Variants in COL4A2 observed in about 807,000 individuals in gnomAD.
COL4A2 encodes collagen type IV alpha 2 chain.
COL4A2 carries 99 observed loss-of-function variants against 200.2 expected under a neutral mutation model. That is an observed-to-expected ratio of 0.49 (90% confidence interval 0.42 to 0.58). The LOEUF is 0.58. Among genes scored for constraint, COL4A2 ranks in the 20% least tolerant of loss-of-function variants. COL4A2 has a pLI of 0.00. For missense variants in COL4A2, 1,950 were observed against 2,314.1 expected (o/e 0.84, Z 3.23); for synonymous variants, 897 against 900.6 (o/e 1.00, Z 0.07).
At chr13:110,491,457 G>A (rs913283899) in intron 37 of COL4A2, 117 bp downstream of exon 37, 6 of 737,328 alleles carry the variant, frequency 8.1e-6, no homozygotes, top group Admixed American at 2.1e-5. Flanking sequence ...AAGCTCACTC[G>A]TGCCTGCTGC....
intron 4 of COL4A2, among the ~76,000 whole-genome samples, chr13:110,370,312 G>C (rs1034664557): frequency 2.6e-5 from 4 of 151,976 alleles, no homozygotes; most frequent in African/African-American, 9.7e-5. Context: ...CTCCCAGGCT[G>C]GAGTGCAATG....
intron 18 of COL4A2, among the ~76,000 whole-genome samples, chr13:110,447,764 C>CAT (rs34147402): frequency 0.43 from 65,233 of 151,756 alleles, 14,262 homozygotes; most frequent in South Asian, 0.49. Flanking sequence ...CGTGCAGAAA[C>CAT]ATATCAGACA....
intron 45 of COL4A2, among the ~76,000 whole-genome samples, chr13:110,505,115 C>G (rs1028926221): frequency 6.6e-6 from 1 of 151,820 alleles, no homozygotes; most frequent in Non-Finnish European, 1.5e-5. Context: ...CTTTGGGAGG[C>G]TGAGGTGGGC....
In COL4A2 at chr13:110,467,181, T is replaced by C. The variant is rs1354753125; in HGVS notation, c.2095+85T>C. On this transcript the variant is annotated intron_variant, in intron 27 of 47. Transcript: ENST00000360467. ...GTGTCTCCCCCGCCCATCTTTCCTCTGGTCCTGCATCCCCCACCCCAGACA... is the reference window on the plus strand; with the variant it reads ...GTGTCTCCCCCGCCCATCTTTCCTCCGGTCCTGCATCCCCCACCCCAGACA... The C allele has an allele frequency of 4.5e-6, 7 of 1,551,658 alleles. No individual in the cohort carries two copies. The East Asian group carries it at 1.6e-4, about 36-fold the overall frequency.
chr13:110,436,043 A>T, intron 12 of COL4A2: 1 of 678,352 alleles, frequency 1.5e-6, no homozygotes, highest in Non-Finnish European at 2.6e-6. Context: ...AACAACCTAC[A>T]TGGCTTTTAT....
chr13:110,364,653 A>G (rs1169468925), intron 4 of COL4A2, among the ~76,000 whole-genome samples: 1 of 152,188 alleles, frequency 6.6e-6, no homozygotes, highest in African/African-American at 2.4e-5. Flanking sequence ...CCAATAGGTC[A>G]CCCATCTTGG....
At chr13:110,469,578 G>A (rs926064729) in intron 28 of COL4A2, among the ~76,000 whole-genome samples, 4 of 152,128 alleles carry the variant, frequency 2.6e-5, no homozygotes, top group Non-Finnish European at 4.4e-5. Context: ...GCTGTCCTCC[G>A]CAACACCTGT....
intron 28 of COL4A2, among the ~76,000 whole-genome samples, chr13:110,471,806 TATCC>T (rs1882478776): frequency 6.6e-6 from 1 of 152,176 alleles, no homozygotes; most frequent in Admixed American, 6.5e-5. Context: ...CCCTTTTCCG[TATCC>T]ATACATAGGA....
At chr13:110,322,380 C>T (rs923480374) in intron 3 of COL4A2, among the ~76,000 whole-genome samples, 3 of 152,136 alleles carry the variant, frequency 2.0e-5, no homozygotes, top group South Asian at 2.1e-4. Flanking sequence ...AGGAGGGAAC[C>T]GGGTGTCTGG....
intron 3 of COL4A2, among the ~76,000 whole-genome samples, chr13:110,332,678 C>T (rs546730225): frequency 6.6e-6 from 1 of 152,214 alleles, no homozygotes; most frequent in Non-Finnish European, 1.5e-5. Flanking sequence ...ACTGTGTTAA[C>T]TTTTAATAGA....
intron 45 of COL4A2, among the ~76,000 whole-genome samples, chr13:110,504,972 A>T (rs894655667): frequency 1.3e-5 from 2 of 151,958 alleles, no homozygotes; most frequent in African/African-American, 4.8e-5. Flanking sequence ...ACAGCTATTC[A>T]TGAAAAAAAA....
At position 110,430,558 on chromosome 13, in the gene COL4A2, G is replaced by A. The variant is rs748422794; in HGVS notation, c.599G>A (p.Arg200His). ...GLVGFQGPPG[R>H]PGHVGQMGPV... ...GCCTATCCATAGGGACCTCCCGGCC[G>A]CCCTGGGCATGTGGGACAGATGGGT... Residue 200 changes from arginine (R) to histidine (H), a missense_variant, in exon 10 of 48, where the codon CGC (arginine) becomes CAC (histidine). By Grantham distance (29) the Arg-to-His change is conservative (BLOSUM62 0). Around this residue, in one of 2 missense-constraint regions of COL4A2, gnomAD observed 565 missense variants for 593.5 expected, o/e 0.95. Transcript: ENST00000360467. The A allele has an allele frequency of 2.3e-5, 37 of 1,614,038 alleles. No individual in the cohort carries two copies. The highest frequency in any genetic ancestry group is 1.1e-4 in the East Asian group (5 of 44,892).
Position 110,508,409 on chromosome 13 carries a change from C to A in COL4A2, c.4881+188C>A. On this transcript the variant is annotated intron_variant, in intron 47 of 47. Coordinates refer to ENST00000360467, the MANE Select transcript of COL4A2 (RefSeq NM_001846.4). This position sits in a 1 kb window ranked among gnomAD's most constrained non-coding sequence, Gnocchi z 6.1. ...TTGGCTAACTGAGCCACATGCTGGGCACAGGGCTTCCTCCACCCAGAAAGG... is the reference window on the plus strand; with the variant it reads ...TTGGCTAACTGAGCCACATGCTGGGAACAGGGCTTCCTCCACCCAGAAAGG... 2.2e-6 allele frequency: 2 copies of A among 903,686 alleles called. No homozygotes were observed. Among genetic ancestry groups the A allele is most frequent in the Non-Finnish European group, 3.3e-6 (2 of 610,832 alleles). 56.0% of individuals were successfully genotyped at this position (903,686 alleles called of 1,614,324 possible).
In COL4A2 at chr13:110,508,415, G is replaced by T; in HGVS notation, c.4881+194G>T. 1 of 867,270 alleles carries T rather than the reference G, an allele frequency of 1.2e-6. No individual in the cohort carries two copies. The highest frequency in any genetic ancestry group is 1.7e-6 in the Non-Finnish European group (1 of 579,006). The allele number at this position is 867,270 out of a possible 1,614,324, so 53.7% of individuals were successfully genotyped here. A position where few individuals can be genotyped will look rare whatever the true frequency, so the allele number is the denominator to read the frequency against. ...AACTGAGCCACATGCTGGGCACAGG[G>T]CTTCCTCCACCCAGAAAGGGCTCAT... On this transcript the variant is annotated intron_variant, in intron 47 of 47. Transcript: ENST00000360467. This position sits in a 1 kb window ranked among gnomAD's most constrained non-coding sequence, Gnocchi z 6.1.
At chr13:110,430,891 AC>A (rs1880655653) in intron 10 of COL4A2, 5 of 626,600 alleles carry the variant, frequency 8.0e-6, no homozygotes, top group Non-Finnish European at 1.5e-5. Flanking sequence ...CCCCATACCT[AC>A]CCAGTGACAG....
Position 110,438,631 on chromosome 13 carries a change from A to C in COL4A2, c.875A>C (p.Lys292Thr). The change falls in exon 15 of 48, where the codon AAG becomes ACG. Residue 292 changes from lysine to threonine, a missense_variant. Coordinates refer to ENST00000360467, the MANE Select transcript of COL4A2 (RefSeq NM_001846.4). ...GEPGIRGISLKGEEGIMGFPG... is the reference protein window; with the variant it reads ...GEPGIRGISLTGEEGIMGFPG... ...GCTCTCTCCTAGGGCATTTCCTTGA[A>C]GGGAGAAGAAGGAATCATGGGCTTT... 1 of 1,614,208 alleles carries C rather than the reference A, an allele frequency of 6.2e-7. No homozygotes were observed.
At chr13:110,434,669 C>T (rs1022986310) in intron 12 of COL4A2, among the ~76,000 whole-genome samples, 11 of 152,138 alleles carry the variant, frequency 7.2e-5, no homozygotes, top group African/African-American at 2.7e-4. Flanking sequence ...CTAGGCTAGC[C>T]GAGACTCTGA....
At chr13:110,434,363 G>A in intron 11 of COL4A2, 38 bp from the exon 12 acceptor site, 1 of 1,582,654 alleles carries the variant, frequency 6.3e-7, no homozygotes, top group Non-Finnish European at 8.6e-7. Flanking sequence ...TCTGATTATT[G>A]GCTTTTTAAA....
intron 4 of COL4A2, among the ~76,000 whole-genome samples, chr13:110,375,399 C>T (rs1212828947): frequency 6.6e-6 from 1 of 152,226 alleles, no homozygotes; most frequent in African/African-American, 2.4e-5. Context: ...ACTTCCGCAA[C>T]AGTCATCCGC....
Sources: gnomAD v4.1 joint callset for allele counts (sites outside exome capture counted in the v4.1 genomes callset) on GRCh38, gnomAD v4.1.1 for gene constraint, gnomAD v4.1.1 regional missense constraint, Gnocchi (gnomAD v3.1) non-coding constraint, MANE v1.5 for transcripts, NCBI Gene and HGNC (gene_info 2026-07-23, HGNC 2026-07-21) for gene names.